TBC1D19: variants seen among roughly 807,000 people sequenced by gnomAD.
The protein encoded by TBC1D19 is TBC1 domain family, member 19.
A neutral mutation model predicts 89.0 loss-of-function variants in TBC1D19; 60 were observed. That is an observed-to-expected ratio of 0.67 (90% CI 0.55 to 0.84). The LOEUF is 0.84. TBC1D19 is among the 40% of genes least tolerant of loss of function. The pLI is 0.00. For synonymous variants in TBC1D19, 189 were observed against 199.7 expected, an observed-to-expected ratio of 0.95 and a Z score of 0.45; for missense variants, 500 against 610.8, an observed-to-expected ratio of 0.82 and a Z score of 1.91.
chr4:26,577,180 T>C lies in TBC1D19; in HGVS notation c.6+383T>C, dbSNP rs572095396. ...AGATTCAAGACTGCAATATCAACTT[T>C]TTTTTAACTGAACATTCAGCTTGCT... is the stretch of plus-strand genomic sequence containing the variant. On this transcript the variant is annotated intron_variant, in intron 1 of 12. Transcript: ENST00000512840. Among the ~76,000 whole-genome samples the C allele has an allele frequency of 2.0e-5, 3 of 152,326 alleles. No homozygotes were observed. The East Asian group carries it at 5.8e-4, about 29-fold the overall frequency.
At chr4:26,746,121 C>G (rs1718632743) in intron 18 of TBC1D19, among the ~76,000 whole-genome samples, 1 of 151,762 alleles carries the variant, frequency 6.6e-6, no homozygotes, top group Admixed American at 6.6e-5. Context: ...ACTCATTCTT[C>G]TTTTCTTCTG....
chr4:26,742,594 T>A lies in TBC1D19; in HGVS notation c.1314T>A (p.Ala438=), dbSNP rs772525476. ...TTTATCATCTACGAGAAATTGGGGC[T>A]CAACCGTGAGTACTTTTCTCTCCTA... ...QLFYHLREIG[A]QPLRISFKWM... Residue 438 remains alanine, a synonymous_variant, in exon 18 of 21, where the codon GCT becomes GCA. Transcript: ENST00000264866. The A allele has an allele frequency of 6.2e-7, 1 of 1,611,568 alleles. No homozygotes were observed. Among genetic ancestry groups the A allele is most frequent in the Non-Finnish European group, 8.5e-7 (1 of 1,178,614 alleles).
chr4:26,698,418 G>A (rs989421251), intron 13 of TBC1D19, among the ~76,000 whole-genome samples: 1 of 152,218 alleles, frequency 6.6e-6, no homozygotes, highest in African/African-American at 2.4e-5. Context: ...AATCAAAATC[G>A]TGAAAATGGC....
At chr4:26,621,959 TG>T in intron 4 of TBC1D19, among the ~76,000 whole-genome samples, 1 of 152,162 alleles carries the variant, frequency 6.6e-6, no homozygotes, top group Admixed American at 6.5e-5. Flanking sequence ...TGGATGAAAC[TG>T]GAAACCATCA....
intron 7 of TBC1D19, among the ~76,000 whole-genome samples, chr4:26,654,481 T>A (rs1744647226): frequency 6.6e-6 from 1 of 152,208 alleles, no homozygotes; most frequent in South Asian, 2.1e-4. Flanking sequence ...TCCAACTTGG[T>A]TCCATTCTCC....
intron 16 of TBC1D19, among the ~76,000 whole-genome samples, chr4:26,738,876 G>A (rs1718190310): frequency 6.6e-6 from 1 of 152,112 alleles, no homozygotes; most frequent in South Asian, 2.1e-4. Context: ...AAAGAAGAGA[G>A]CACAACTGGC....
At chr4:26,699,864 G>A (rs934103512) in intron 13 of TBC1D19, among the ~76,000 whole-genome samples, 1 of 151,154 alleles carries the variant, frequency 6.6e-6, no homozygotes, top group Non-Finnish European at 1.5e-5. Flanking sequence ...GGCCTGTTTT[G>A]GGGTGGGGGG....
the TBC1D19 span, among the ~76,000 whole-genome samples, chr4:26,784,573 A>T: frequency 6.6e-6 from 1 of 152,138 alleles, no homozygotes; most frequent in Non-Finnish European, 1.5e-5. Flanking sequence ...AATCCACCCA[A>T]TTGCCCATCA....
At chr4:26,709,163 T>C (rs1715971732) in intron 13 of TBC1D19, among the ~76,000 whole-genome samples, 2 of 152,058 alleles carry the variant, frequency 1.3e-5, no homozygotes, top group Admixed American at 6.6e-5. Flanking sequence ...TTAGTTTTTT[T>C]GAATGTTGTT....
At chr4:26,679,665 T>A (rs1713157598) in intron 11 of TBC1D19, among the ~76,000 whole-genome samples, 1 of 152,206 alleles carries the variant, frequency 6.6e-6, no homozygotes, top group Non-Finnish European at 1.5e-5. Context: ...GCTTGCACTG[T>A]GTGCCTGGAA....
At chr4:26,703,803 A>C (rs1452957244) in intron 13 of TBC1D19, among the ~76,000 whole-genome samples, 1 of 151,522 alleles carries the variant, frequency 6.6e-6, no homozygotes, top group South Asian at 2.1e-4. Flanking sequence ...AATACAAAAA[A>C]AAAAAAAATT....
chr4:26,641,412 C>T (rs1743513752), intron 7 of TBC1D19, among the ~76,000 whole-genome samples: 1 of 152,140 alleles, frequency 6.6e-6, no homozygotes, highest in Admixed American at 6.5e-5. Context: ...CACCAAAACC[C>T]CATCTGTAGG....
At chr4:26,722,729 C>T (rs1475720535) in intron 15 of TBC1D19, among the ~76,000 whole-genome samples, 1 of 152,150 alleles carries the variant, frequency 6.6e-6, no homozygotes, top group African/African-American at 2.4e-5. Context: ...ATAGCAGCAG[C>T]AGCAAACATT....
the TBC1D19 span, among the ~76,000 whole-genome samples, chr4:26,840,595 T>C: frequency 0.81 from 122,583 of 151,842 alleles, 49,656 homozygotes; most frequent in Middle Eastern, 0.98. Context: ...TTGAGGCTCC[T>C]TGTGTTCCTT....
the TBC1D19 span, among the ~76,000 whole-genome samples, chr4:26,816,434 A>C: frequency 6.6e-6 from 1 of 152,190 alleles, no homozygotes; most frequent in Non-Finnish European, 1.5e-5. Context: ...CAAGTGGGAG[A>C]GTTTAATGAA....
the TBC1D19 span, among the ~76,000 whole-genome samples, chr4:26,836,205 T>G: frequency 2.6e-5 from 4 of 152,328 alleles, no homozygotes; most frequent in East Asian, 7.7e-4. Context: ...TGTAATTGCT[T>G]ATTTAATTGT....
chr4:26,622,169 C>T (rs555606380), intron 4 of TBC1D19, among the ~76,000 whole-genome samples: 1 of 152,042 alleles, frequency 6.6e-6, no homozygotes, highest in East Asian at 1.9e-4. Context: ...GGGTGCAGCT[C>T]ACCAACATGG....
At chr4:26,851,307 AT>A in the TBC1D19 span, among the ~76,000 whole-genome samples, 67 of 45,462 alleles carry the variant, frequency 1.5e-3, no homozygotes, top group African/African-American at 3.6e-3. Context: ...TAAATACCCT[AT>A]CTATCTATCT....
rs184103603 is a variant in TBC1D19, at chr4:26,662,455, C to T, written c.591+2748C>T. ...AGGAGGGAAAAGATTTCTTAAATTA[C>T]AAGATCAATCTACAAAGATTAACAT... is the stretch of plus-strand genomic sequence containing the variant. On this transcript the variant is annotated intron_variant, in intron 8 of 20. Transcript: ENST00000264866. Among the ~76,000 whole-genome samples the T allele has an allele frequency of 6.7e-4, 102 of 152,148 alleles. 1 individual carries two copies. Among genetic ancestry groups the T allele is most frequent in the African/African-American group, 2.4e-3 (100 of 41,530 alleles).
Sources: allele counts gnomAD v4.1 joint callset (sites outside exome capture counted in the v4.1 genomes callset), GRCh38; gene constraint gnomAD v4.1.1; transcripts MANE v1.5; gene names NCBI Gene and HGNC (gene_info 2026-07-23, HGNC 2026-07-21).